Variants in PIGU observed in about 807,000 individuals in gnomAD.
The protein encoded by PIGU is phosphatidylinositol glycan anchor biosynthesis class U, also known as GPI-anchor transamidase component PIGU.
Under a neutral mutation model 49.9 loss-of-function variants are expected in PIGU, and 24 were observed. The ratio of observed to expected loss-of-function variants is 0.48; its 90% confidence interval spans 0.35 to 0.68. The LOEUF is 0.68. Among genes scored for constraint, PIGU ranks in the 30% least tolerant of loss-of-function variants. The pLI, the probability that PIGU is intolerant of heterozygous loss-of-function variation, is 0.01. For missense variants in PIGU, 490 were observed against 532.6 expected (o/e 0.92, Z 0.79); for synonymous variants, 220 against 205.7 (o/e 1.07, Z -0.59).
At chr20:34,561,321 T>C (rs1220786341) in intron 11 of PIGU, among the ~76,000 whole-genome samples, 1 of 151,628 alleles carries the variant, frequency 6.6e-6, no homozygotes, top group Non-Finnish European at 1.5e-5. Flanking sequence ...CACATCAAAC[T>C]CCTCACCTTC....
chr20:34,646,866 G>C (rs1039512179), intron 2 of PIGU, among the ~76,000 whole-genome samples: 1 of 151,416 alleles, frequency 6.6e-6, no homozygotes, highest in African/African-American at 2.4e-5. Flanking sequence ...ACTGTTGCCA[G>C]GGCTGGTGTG....
At chr20:34,577,890 T>C (rs891682247) in intron 10 of PIGU, among the ~76,000 whole-genome samples, 39 of 152,172 alleles carry the variant, frequency 2.6e-4, no homozygotes, top group African/African-American at 8.7e-4. Flanking sequence ...TGCAGCCCCT[T>C]ACAGTCTGCA....
At chr20:34,676,876 TC>T in intron 1 of PIGU, 79 bp downstream of exon 1, 1 of 1,431,198 alleles carries the variant, frequency 7.0e-7, no homozygotes, top group Non-Finnish European at 9.3e-7. Flanking sequence ...GCGCTGGCGG[TC>T]ACTGCCCCCG....
intron 7 of PIGU, among the ~76,000 whole-genome samples, chr20:34,596,295 C>A (rs184297166): frequency 7.2e-5 from 11 of 152,336 alleles, no homozygotes; most frequent in Admixed American, 7.2e-4. Context: ...GACTGAAGAA[C>A]TGTCTCAGAC....
intron 7 of PIGU, among the ~76,000 whole-genome samples, chr20:34,605,630 G>T (rs1000976657): frequency 3.3e-5 from 5 of 152,148 alleles, no homozygotes; most frequent in African/African-American, 1.2e-4. Context: ...TGGAAGCAGA[G>T]AAGTTAAATA....
intron 7 of PIGU, among the ~76,000 whole-genome samples, chr20:34,589,104 TACACACACACACACACACAC>T (rs11469162): frequency 1.3e-3 from 196 of 146,050 alleles, no homozygotes; most frequent in African/African-American, 3.9e-3. Flanking sequence ...TACTATTATT[TACACACACACACACACACAC>T]ACACACACAC....
chr20:34,601,169 T>C (rs779840140), intron 7 of PIGU, among the ~76,000 whole-genome samples: 67 of 152,340 alleles, frequency 4.4e-4, no homozygotes, highest in Middle Eastern at 3.4e-3. Context: ...CAGTGTTTTA[T>C]TCGACCTAAA....
intron 7 of PIGU, among the ~76,000 whole-genome samples, chr20:34,589,499 C>T (rs1483779850): frequency 4.6e-5 from 7 of 151,974 alleles, no homozygotes; most frequent in Admixed American, 2.0e-4. Flanking sequence ...ACTGCAGGTG[C>T]GCACCACCAC....
At chr20:34,580,117 TGA>T (rs1983399309) in intron 10 of PIGU, among the ~76,000 whole-genome samples, 1 of 152,328 alleles carries the variant, frequency 6.6e-6, no homozygotes, top group African/African-American at 2.4e-5. Context: ...AGACAGTCAC[TGA>T]GAGAGAAAGA....
intron 1 of PIGU, among the ~76,000 whole-genome samples, chr20:34,668,956 C>T (rs1419638794): frequency 7.7e-6 from 1 of 130,168 alleles, no homozygotes; most frequent in Non-Finnish European, 1.6e-5. Context: ...ATGATCATAG[C>T]TCAATGCAGC....
chr20:34,666,892 G>A (rs1212318652), intron 1 of PIGU, among the ~76,000 whole-genome samples: 1 of 151,800 alleles, frequency 6.6e-6, no homozygotes, highest in Non-Finnish European at 1.5e-5. Flanking sequence ...TAGAGACGAG[G>A]TTTCACCGTA....
At chr20:34,672,855 T>TTAAA (rs772400912) in intron 1 of PIGU, among the ~76,000 whole-genome samples, 4 of 95,298 alleles carry the variant, frequency 4.2e-5, no homozygotes, top group Non-Finnish European at 8.0e-5. Flanking sequence ...ACCCTGTCTC[T>TTAAA]CAAAAAAAAA....
At chr20:34,628,670 G>A (rs1023655430) in intron 6 of PIGU, among the ~76,000 whole-genome samples, 1 of 152,110 alleles carries the variant, frequency 6.6e-6, no homozygotes, top group African/African-American at 2.4e-5. Context: ...GACCAACATG[G>A]TGAAATCTTG....
intron 7 of PIGU, among the ~76,000 whole-genome samples, chr20:34,593,956 C>T (rs573904119): frequency 1.3e-5 from 2 of 152,014 alleles, no homozygotes; most frequent in Non-Finnish European, 2.9e-5. Flanking sequence ...GCAGGTGGAT[C>T]ACTTGAGTCC....
intron 1 of PIGU, among the ~76,000 whole-genome samples, chr20:34,659,572 C>G (rs1180380214): frequency 1.3e-5 from 2 of 152,088 alleles, no homozygotes; most frequent in Admixed American, 1.3e-4. Flanking sequence ...TCATTGAGAA[C>G]GGGCCAGGAT....
chr20:34,658,219 T>C (rs1301732975), intron 1 of PIGU, among the ~76,000 whole-genome samples: 1 of 152,168 alleles, frequency 6.6e-6, no homozygotes, highest in Non-Finnish European at 1.5e-5. Context: ...GGTCTCCAGC[T>C]CCTAACCGCG....
chr20:34,658,257 G>T (rs369956066), intron 1 of PIGU, among the ~76,000 whole-genome samples: 1 of 152,256 alleles, frequency 6.6e-6, no homozygotes, highest in East Asian at 1.9e-4. Context: ...GGCCTCCCGA[G>T]GTGCCGGGAT....
chr20:34,599,651 G>A (rs1205498527), intron 7 of PIGU, among the ~76,000 whole-genome samples: 4 of 152,098 alleles, frequency 2.6e-5, no homozygotes, highest in East Asian at 3.9e-4. Context: ...GAAACTAACT[G>A]GCAAATATAT....
chr20:34,585,735 C>G (rs1157175079), intron 8 of PIGU, among the ~76,000 whole-genome samples, 155 bp from the exon 9 acceptor site: 1 of 152,148 alleles, frequency 6.6e-6, no homozygotes, highest in African/African-American at 2.4e-5. Context: ...TCTAGGTACC[C>G]TGGATACAGG....
Sources: allele counts gnomAD v4.1 joint callset (sites outside exome capture counted in the v4.1 genomes callset), GRCh38; gene constraint gnomAD v4.1.1; transcripts MANE v1.5; gene names NCBI Gene and HGNC (gene_info 2026-07-23, HGNC 2026-07-21).